SCFD2: variants seen among roughly 807,000 people sequenced by gnomAD.
The protein encoded by SCFD2 is sec1 family domain-containing protein 2.
In SCFD2, 54 loss-of-function variants were observed where a neutral mutation model predicts 58.9. That is an observed-to-expected ratio of 0.92 (90% CI 0.74 to 1.15). SCFD2 has a LOEUF of 1.15. Among genes scored for constraint, SCFD2 ranks in the 50% most tolerant of loss-of-function variants. The pLI is 0.00. For missense variants in SCFD2, 805 were observed against 836.6 expected (o/e 0.96, Z 0.47); for synonymous variants, 321 against 335.9 (o/e 0.96, Z 0.49).
chr4:53,131,999 C>T (rs1560349718), intron 5 of SCFD2, among the ~76,000 whole-genome samples: 3 of 152,140 alleles, frequency 2.0e-5, no homozygotes, highest in Non-Finnish European at 2.9e-5. Flanking sequence ...TGCATTTGTA[C>T]ACATATAAAT....
chr4:53,311,160 G>A (rs6811200), intron 3 of SCFD2, among the ~76,000 whole-genome samples: 14,383 of 152,118 alleles, frequency 0.095, 1,013 homozygotes, highest in African/African-American at 0.18. Flanking sequence ...CTAGTGATAT[G>A]AAGCAAAAAT....
chr4:53,041,291 T>C (rs1722893693), intron 5 of SCFD2, among the ~76,000 whole-genome samples: 1 of 152,182 alleles, frequency 6.6e-6, no homozygotes, highest in Non-Finnish European at 1.5e-5. Flanking sequence ...GTTTCACTGA[T>C]GGTGATGGAA....
intron 4 of SCFD2, 78 bp downstream of exon 4, chr4:53,273,748 A>G: frequency 1.6e-6 from 2 of 1,229,932 alleles, no homozygotes; most frequent in Non-Finnish European, 2.3e-6. Context: ...TACTAAGGCT[A>G]TAATAAATGT....
intron 3 of SCFD2, among the ~76,000 whole-genome samples, chr4:53,309,487 G>A (rs1732621713): frequency 6.6e-6 from 1 of 152,278 alleles, no homozygotes; most frequent in African/African-American, 2.4e-5. Context: ...TGTGACCACA[G>A]AGGATTAGGA....
chr4:53,220,328 T>C (rs1401746754), intron 4 of SCFD2, among the ~76,000 whole-genome samples: 4 of 152,206 alleles, frequency 2.6e-5, no homozygotes, highest in Non-Finnish European at 5.9e-5. Flanking sequence ...AATCCTGACA[T>C]GCTGTATACA....
chr4:52,913,772 T>C (rs1719541759), intron 6 of SCFD2, among the ~76,000 whole-genome samples: 1 of 152,166 alleles, frequency 6.6e-6, no homozygotes, highest in African/African-American at 2.4e-5. Flanking sequence ...ACTTTACCTC[T>C]CATCAGCAGA....
Position 52,873,183 on chromosome 4 carries a change from C to T in SCFD2, c.*786G>A, listed in dbSNP as rs1311818718. The T allele has an allele frequency of 2.0e-5, 3 of 152,218 alleles. No individual in the cohort carries two copies. Among genetic ancestry groups the T allele is most frequent in the Non-Finnish European group, 4.4e-5 (3 of 68,040 alleles). The allele number at this position is 152,218 out of a possible 1,614,324, so 9.4% of individuals were successfully genotyped here. The stretch of plus-strand genomic sequence containing the variant: ...AGAAAGCTTTATATTTCAATCAAAA[C>T]TCATACCCACAAAGTCCACAGGGGT... On this transcript the variant is annotated 3_prime_UTR_variant, in exon 9 of 9. Coordinates refer to ENST00000401642, the MANE Select transcript of SCFD2 (RefSeq NM_152540.4).
intron 8 of SCFD2, among the ~76,000 whole-genome samples, chr4:52,880,470 A>C (rs1047348317): frequency 6.6e-6 from 1 of 151,708 alleles, no homozygotes; most frequent in Non-Finnish European, 1.5e-5. Flanking sequence ...ACAAAAAATT[A>C]ACCAGGAGTG....
chr4:52,939,775 T>C (rs1011951727), intron 5 of SCFD2, among the ~76,000 whole-genome samples: 7 of 148,816 alleles, frequency 4.7e-5, no homozygotes, highest in Non-Finnish European at 1.0e-4. Context: ...AGGAAATAAA[T>C]GAGGAATAAT....
At position 53,240,056 on chromosome 4, in the gene SCFD2, G is replaced by T. The variant is rs188115621; in HGVS notation, c.1311+33770C>A. ...TCACCCTCCTTAACTTATGAAAGGT[G>T]CTACAATGGGTTGACTACAACAAGT... On this transcript the variant is annotated intron_variant, in intron 4 of 8. Transcript: ENST00000401642. 5.1e-4 allele frequency among the ~76,000 whole-genome samples: 78 copies of T among 152,342 alleles called. 1 individual carries two copies. Among genetic ancestry groups the T allele is most frequent in the Admixed American group, 2.5e-3 (39 of 15,306 alleles).
intron 5 of SCFD2, among the ~76,000 whole-genome samples, chr4:52,988,542 G>A (rs566577224): frequency 5.3e-5 from 8 of 152,208 alleles, no homozygotes; most frequent in Middle Eastern, 6.8e-3. Context: ...TTAGGTTTTC[G>A]AATGTCAAAA....
intron 4 of SCFD2, among the ~76,000 whole-genome samples, chr4:53,182,484 C>A (rs2148949849): frequency 6.6e-6 from 1 of 152,278 alleles, no homozygotes; most frequent in African/African-American, 2.4e-5. Context: ...CTTCCTTACA[C>A]CTTACACAAA....
At chr4:53,259,624 CT>C (rs1251976066) in intron 4 of SCFD2, among the ~76,000 whole-genome samples, 1 of 152,138 alleles carries the variant, frequency 6.6e-6, no homozygotes, top group African/African-American at 2.4e-5. Flanking sequence ...TGGCTATGGA[CT>C]TATAGTATAG....
At position 53,007,305 on chromosome 4, in the gene SCFD2, GGAGAGA is replaced by G. The variant is rs147645284; in HGVS notation, c.1562-86441_1562-86436del. Among the ~76,000 whole-genome samples, 385 of 66,088 alleles carry G rather than the reference GGAGAGA, an allele frequency of 5.8e-3. 3 individuals carry two copies. The highest frequency in any genetic ancestry group is 0.023 in the African/African-American group (368 of 16,166). The allele number at this position is 66,088 out of a possible 152,430, so 43.4% of individuals were successfully genotyped here. The stretch of plus-strand genomic sequence containing the variant: ...AGGAGAGAGAGGGAGAGAGGGAGAG[GGAGAGA>G]GAGAGAGAGAGAGAGAGAGAGAGGG... On this transcript the variant is annotated intron_variant, in intron 5 of 8. Coordinates refer to ENST00000401642, the MANE Select transcript of SCFD2 (RefSeq NM_152540.4).
chr4:52,903,959 A>G (rs1719284965), intron 7 of SCFD2, among the ~76,000 whole-genome samples: 1 of 152,200 alleles, frequency 6.6e-6, no homozygotes, highest in African/African-American at 2.4e-5. Context: ...AGTATGAACA[A>G]AATGTATAGA....
chr4:52,975,583 A>T (rs1721236658), intron 5 of SCFD2, among the ~76,000 whole-genome samples: 1 of 152,172 alleles, frequency 6.6e-6, no homozygotes, highest in Non-Finnish European at 1.5e-5. Flanking sequence ...TGGGACGGTA[A>T]ACTAGTTCAA....
intron 4 of SCFD2, among the ~76,000 whole-genome samples, chr4:53,257,988 A>G (rs555085852): frequency 1.3e-5 from 2 of 152,270 alleles, no homozygotes; most frequent in South Asian, 2.1e-4. Context: ...GAGAAACTTA[A>G]TAAGATTTAG....
chr4:52,906,905 T>C (rs1719360554), intron 7 of SCFD2, among the ~76,000 whole-genome samples: 1 of 152,204 alleles, frequency 6.6e-6, no homozygotes, highest in African/African-American at 2.4e-5. Flanking sequence ...TGTGTACTTT[T>C]TCCTCCTTTC....
At chr4:53,226,908 G>C (rs1729234729) in intron 4 of SCFD2, among the ~76,000 whole-genome samples, 2 of 152,160 alleles carry the variant, frequency 1.3e-5, no homozygotes, top group African/African-American at 4.8e-5. Context: ...CTCTTGTACA[G>C]TTATCAGGGG....
Sources: gnomAD v4.1 joint callset for allele counts (sites outside exome capture counted in the v4.1 genomes callset) on GRCh38, gnomAD v4.1.1 for gene constraint, MANE v1.5 for transcripts, NCBI Gene and HGNC (gene_info 2026-07-23, HGNC 2026-07-21) for gene names.